The following SAMMSON variants were observed in gnomAD, a reference collection of about 807,000 sequenced individuals.
SAMMSON encodes long intergenic non-protein coding RNA 1212.
chr3:70,382,328 A>G (rs771753126), intron 9 of SAMMSON, among the ~76,000 whole-genome samples: 7 of 152,072 alleles, frequency 4.6e-5, no homozygotes, highest in Non-Finnish European at 8.8e-5. Flanking sequence ...TAATAATTCC[A>G]CCCAAACATA....
chr3:70,254,942 T>C lies in SAMMSON; in HGVS notation n.674+5272T>C, dbSNP rs77707960. On this transcript the variant is annotated intron_variant and non_coding_transcript_variant, in intron 6 of 9. Coordinates refer to ENST00000642114, the Ensembl canonical transcript of SAMMSON. Reference sequence around the variant, plus strand: ...ATTCCTCTGTAATGGTTTCCTAATATTCCTATTATGAATGTGCAATAATGT... The same window carrying C: ...ATTCCTCTGTAATGGTTTCCTAATACTCCTATTATGAATGTGCAATAATGT... Among the ~76,000 whole-genome samples the C allele has an allele frequency of 6.9e-3, 1,047 of 152,310 alleles. 9 individuals are homozygous for C. The highest frequency in any genetic ancestry group is 0.024 in the African/African-American group (1,004 of 41,578).
At chr3:70,176,822 T>C (rs1464147088) in intron 4 of SAMMSON, among the ~76,000 whole-genome samples, 1 of 152,150 alleles carries the variant, frequency 6.6e-6, no homozygotes, top group Non-Finnish European at 1.5e-5. Context: ...AGATGATCAT[T>C]TTTTTCTGAA....
At chr3:70,051,134 C>CAAAAAAAAAAAAAA (rs71126477) in intron 3 of SAMMSON, among the ~76,000 whole-genome samples, 1 of 45,234 alleles carries the variant, frequency 2.2e-5, no homozygotes, top group South Asian at 1.1e-3. Flanking sequence ...TACTCCATCT[C>CAAAAAAAAAAAAAA]AAAAAAAAAA....
chr3:70,388,141 T>A (rs114042227), intron 9 of SAMMSON, among the ~76,000 whole-genome samples: 1 of 152,272 alleles, frequency 6.6e-6, no homozygotes, highest in South Asian at 2.1e-4. Flanking sequence ...AGAAGATGCA[T>A]AATATAGGCA....
At position 70,430,985 on chromosome 3, in the gene SAMMSON, C is replaced by A. The variant is rs374847223; in HGVS notation, n.234-31575C>A. On this transcript the variant is annotated intron_variant and non_coding_transcript_variant, in intron 2 of 3. Transcript: ENST00000641053. ...GAGAAATTAATATATTTCAACTATT[C>A]AGTGGTTGGATATGGAGAGATGATC... Among the ~76,000 whole-genome samples the A allele has an allele frequency of 1.4e-4, 21 of 152,064 alleles. No individual in the cohort carries two copies. In the South Asian group the frequency reaches 3.1e-3, roughly 23 times the overall value.
At chr3:70,409,815 A>G (rs558327356) in intron 2 of SAMMSON, among the ~76,000 whole-genome samples, 2 of 152,222 alleles carry the variant, frequency 1.3e-5, no homozygotes, top group East Asian at 3.9e-4. Context: ...ATTTTCATGT[A>G]TTTTTTTAAA....
chr3:70,336,744 T>C (rs1181965637), intron 7 of SAMMSON, among the ~76,000 whole-genome samples: 1 of 151,742 alleles, frequency 6.6e-6, no homozygotes, highest in Non-Finnish European at 1.5e-5. Flanking sequence ...ATACTTAATG[T>C]ATCCTCTCTT....
At chr3:70,344,813 A>G (rs548065376) in intron 7 of SAMMSON, among the ~76,000 whole-genome samples, 13 of 151,994 alleles carry the variant, frequency 8.6e-5, no homozygotes, top group Non-Finnish European at 1.3e-4. Flanking sequence ...GAGTCAGAGA[A>G]CTCTGCCGTT....
chr3:70,000,607 G>A (rs1008895544), intron 1 of SAMMSON, among the ~76,000 whole-genome samples: 1 of 152,166 alleles, frequency 6.6e-6, no homozygotes, highest in African/African-American at 2.4e-5. Flanking sequence ...TCACATAACA[G>A]AATGTTCTAT....
intron 7 of SAMMSON, among the ~76,000 whole-genome samples, chr3:70,294,444 C>A (rs1051686426): frequency 6.6e-6 from 1 of 151,850 alleles, no homozygotes; most frequent in African/African-American, 2.4e-5. Flanking sequence ...GAATAAGAAA[C>A]CATATATTCC....
At chr3:70,178,399 G>A (rs1161399407) in intron 4 of SAMMSON, among the ~76,000 whole-genome samples, 4 of 152,104 alleles carry the variant, frequency 2.6e-5, no homozygotes, top group Non-Finnish European at 4.4e-5. Context: ...GACATACCCT[G>A]GCTGCTTGTC....
chr3:70,359,542 A>C (rs1017434279), intron 9 of SAMMSON, among the ~76,000 whole-genome samples: 1 of 152,184 alleles, frequency 6.6e-6, no homozygotes, highest in African/African-American at 2.4e-5. Flanking sequence ...AGAGATCAGA[A>C]AGAGCGCTTA....
intron 4 of SAMMSON, among the ~76,000 whole-genome samples, chr3:70,192,841 A>G (rs1701141361): frequency 6.6e-6 from 1 of 152,212 alleles, no homozygotes; most frequent in African/African-American, 2.4e-5. Flanking sequence ...TATTTTCGAC[A>G]GTTTCTAAAG....
At chr3:70,185,906 G>C (rs1701087893) in intron 4 of SAMMSON, among the ~76,000 whole-genome samples, 1 of 152,028 alleles carries the variant, frequency 6.6e-6, no homozygotes, top group African/African-American at 2.4e-5. Flanking sequence ...GAGTCTAGGA[G>C]ATTGAGGCTG....
At chr3:70,325,150 C>A (rs892946967) in intron 7 of SAMMSON, among the ~76,000 whole-genome samples, 1 of 152,052 alleles carries the variant, frequency 6.6e-6, no homozygotes, top group Non-Finnish European at 1.5e-5. Context: ...CTTGGTGATG[C>A]AAGCAGTGAT....
chr3:70,174,671 C>T (rs1576144107), intron 4 of SAMMSON, among the ~76,000 whole-genome samples: 1 of 151,974 alleles, frequency 6.6e-6, no homozygotes, highest in African/African-American at 2.4e-5. Flanking sequence ...TTATTGTATT[C>T]ATATGCCTAC....
At chr3:70,057,663 T>A (rs1269753206) in intron 3 of SAMMSON, among the ~76,000 whole-genome samples, 2 of 151,864 alleles carry the variant, frequency 1.3e-5, no homozygotes, top group Non-Finnish European at 2.9e-5. Context: ...GATGAGTGTG[T>A]GTGTGTGTGT....
chr3:70,218,054 C>T (rs1333925482), intron 4 of SAMMSON, among the ~76,000 whole-genome samples: 1 of 152,090 alleles, frequency 6.6e-6, no homozygotes, highest in Non-Finnish European at 1.5e-5. Context: ...ACTCCTTTTG[C>T]CCACTCTGTG....
At chr3:70,299,055 G>A (rs766543082) in intron 7 of SAMMSON, among the ~76,000 whole-genome samples, 1 of 151,996 alleles carries the variant, frequency 6.6e-6, no homozygotes, top group Non-Finnish European at 1.5e-5. Flanking sequence ...GGGTTAGCCA[G>A]ATTATAAGGA....
Sources: gnomAD v4.1 joint callset for allele counts (sites outside exome capture counted in the v4.1 genomes callset) on GRCh38, gnomAD v4.1.1 for gene constraint, MANE v1.5 for transcripts, NCBI Gene and HGNC (gene_info 2026-07-23, HGNC 2026-07-21) for gene names.